Variants in FAM163B observed in about 807,000 individuals in gnomAD.
FAM163B encodes the protein family with sequence similarity 163 member B, also known as protein FAM163B.
A neutral mutation model predicts 7.6 loss-of-function variants in FAM163B; 4 were observed. That is an observed-to-expected ratio of 0.52 (90% CI 0.26 to 1.20). The LOEUF (loss-of-function observed/expected upper bound fraction) is 1.20. FAM163B is among the 50% of genes most tolerant of loss of function. FAM163B has a pLI of 0.14. For missense variants in FAM163B, 250 were observed against 243.0 expected, an observed-to-expected ratio of 1.03 and a Z score of -0.19; for synonymous variants, 120 against 111.6, an observed-to-expected ratio of 1.07 and a Z score of -0.47.
Position 133,579,038 on chromosome 9 carries a change from A to G in FAM163B, c.485T>C (p.Ile162Thr). 1 of 1,556,122 alleles carries G rather than the reference A, an allele frequency of 6.4e-7. No homozygotes were observed. The highest frequency in any genetic ancestry group is 8.7e-7 in the Non-Finnish European group (1 of 1,152,794). The change falls in exon 3 of 3, where the codon ATC becomes ACC. Residue 162 changes from isoleucine to threonine, a missense_variant. Physicochemically the swap from Ile to Thr is moderately conservative, Grantham distance 89. Transcript: ENST00000673969. ...GGGCCCAGGTCACACGTCGGTGCTG[A>G]TGCTGCGGCTCCTGGCGAAGGCCTC... ...MREAFARSRS[I>T]STDV
chr9:133,581,733 T>C (rs1268334431), intron 1 of FAM163B, among the ~76,000 whole-genome samples: 1 of 152,184 alleles, frequency 6.6e-6, no homozygotes, highest in Non-Finnish European at 1.5e-5. Context: ...TTGAACATGC[T>C]CCTTTATCAG....
chr9:133,582,416 G>A (rs1430849988), intron 1 of FAM163B, among the ~76,000 whole-genome samples: 2 of 152,132 alleles, frequency 1.3e-5, no homozygotes, highest in Non-Finnish European at 1.5e-5. Flanking sequence ...GAAATGACCC[G>A]CCCAGGCCCC....
In FAM163B at chr9:133,600,901, T is replaced by G. The variant is rs1831720752; in HGVS notation, c.-24+8176A>C. On this transcript the variant is annotated intron_variant, in intron 1 of 2. Transcript: ENST00000673969. The surrounding 1 kb of genome is among the most constrained non-coding windows in gnomAD (Gnocchi z 4.9). ...ATTCATCCAAGGCCATTAACTCAAC[T>G]CTCCCTTGGTAGGGGGTAGGGGGGG... Among the ~76,000 whole-genome samples the G allele has an allele frequency of 6.6e-6, 1 of 151,994 alleles. No homozygotes were observed. Among genetic ancestry groups the G allele is most frequent in the African/African-American group, 2.4e-5 (1 of 41,356 alleles).
chr9:133,585,872 G>T (rs1468133148), intron 1 of FAM163B: 1 of 152,356 alleles, frequency 6.6e-6, no homozygotes, highest in Middle Eastern at 3.4e-3. Context: ...TTGCCTCACG[G>T]TCAGACTCCT....
rs984921840 is a variant in FAM163B, at chr9:133,579,353, G to A, written c.170C>T (p.Pro57Leu). Residue 57 changes from proline (P) to leucine (L), a missense_variant, in exon 3 of 3, where the codon CCG becomes CTG. By Grantham distance (98) the Pro-to-Leu change is moderately conservative. Transcript: ENST00000673969. ...CACCAGGTTGCGGTTGGAGTGCAGCGGGGGCAGGTGCGAGTGAACGGCGAA... is the reference window on the plus strand; with the variant it reads ...CACCAGGTTGCGGTTGGAGTGCAGCAGGGGCAGGTGCGAGTGAACGGCGAA... Reference protein sequence around the residue: ...PDFAVHSHLPPLHSNRNLVLT... With the variant: ...PDFAVHSHLPLLHSNRNLVLT... The A allele has an allele frequency of 1.3e-4, 210 of 1,613,096 alleles. No homozygotes were observed. The highest frequency in any genetic ancestry group is 1.7e-4 in the Non-Finnish European group (196 of 1,179,794).
chr9:133,603,647 G>C (rs146630608), intron 1 of FAM163B, among the ~76,000 whole-genome samples: 1 of 152,128 alleles, frequency 6.6e-6, no homozygotes, highest in Non-Finnish European at 1.5e-5. Context: ...ATAGGAGCCC[G>C]CATGTCTGTG....
intron 1 of FAM163B, among the ~76,000 whole-genome samples, chr9:133,590,050 CCCTTCCCTTCCCTTCCCCTT>C (rs1564193333): frequency 0.049 from 2,467 of 50,388 alleles, 238 homozygotes; most frequent in Non-Finnish European, 0.072. Context: ...CCCTTCCCTT[CCCTTCCCTTCCCTTCCCCTT>C]CCCTTCCCCT....
At chr9:133,590,035 A>G in intron 1 of FAM163B, among the ~76,000 whole-genome samples, 1 of 125,704 alleles carries the variant, frequency 8.0e-6, no homozygotes, top group Admixed American at 8.0e-5. Flanking sequence ...TGCTGGACTT[A>G]AGTTCCCTTC....
chr9:133,600,086 T>C lies in FAM163B; in HGVS notation c.-24+8991A>G, dbSNP rs1001299240. On this transcript the variant is annotated intron_variant, in intron 1 of 2. Coordinates refer to ENST00000673969, the MANE Select transcript of FAM163B (RefSeq NM_001080515.3). The surrounding 1 kb of genome is among the most constrained non-coding windows in gnomAD (Gnocchi z 4.9). The stretch of plus-strand genomic sequence containing the variant: ...GTGTGTGCATGTGTGTGTGTCTGTG[T>C]GCATGTGTGCCTCTGAATGTGTGTG... 2.0e-5 allele frequency among the ~76,000 whole-genome samples: 3 copies of C among 151,162 alleles called. No homozygotes were observed. The highest frequency in any genetic ancestry group is 7.3e-5 in the African/African-American group (3 of 40,924).
intron 1 of FAM163B, among the ~76,000 whole-genome samples, chr9:133,582,230 G>A (rs763099661): frequency 3.3e-5 from 5 of 152,298 alleles, no homozygotes; most frequent in Admixed American, 6.5e-5. Flanking sequence ...TGCAGGCCCC[G>A]CGTGCCTACT....
Position 133,608,592 on chromosome 9 carries a change from A to G in FAM163B, c.-24+485T>C, listed in dbSNP as rs866102497. Among the ~76,000 whole-genome samples the G allele has an allele frequency of 2.0e-5, 3 of 152,314 alleles. No homozygotes were observed. In the South Asian group the frequency reaches 6.2e-4, roughly 32 times the overall value. ...AAGAGACCAAACCTCTCGGAGACTCAGTTTCTGCATCTGTGAAATGGGGCC... is the reference window on the plus strand; with the variant it reads ...AAGAGACCAAACCTCTCGGAGACTCGGTTTCTGCATCTGTGAAATGGGGCC... On this transcript the variant is annotated intron_variant, in intron 1 of 2. Coordinates refer to ENST00000673969, the MANE Select transcript of FAM163B (RefSeq NM_001080515.3).
At chr9:133,581,474 C>G (rs1168017842) in intron 1 of FAM163B, among the ~76,000 whole-genome samples, 1 of 152,090 alleles carries the variant, frequency 6.6e-6, no homozygotes, top group Non-Finnish European at 1.5e-5. Flanking sequence ...TCCAGTGCAG[C>G]ATCTGACGGA....
chr9:133,592,123 C>T (rs776450190), intron 1 of FAM163B, among the ~76,000 whole-genome samples: 1 of 152,164 alleles, frequency 6.6e-6, no homozygotes, highest in South Asian at 2.1e-4. Context: ...TCCAGCTCCA[C>T]GAGGGTGGGC....
Position 133,606,648 on chromosome 9 carries a change from A to G in FAM163B, c.-24+2429T>C, listed in dbSNP as rs1831793156. On this transcript the variant is annotated intron_variant, in intron 1 of 2. Coordinates refer to ENST00000673969, the MANE Select transcript of FAM163B (RefSeq NM_001080515.3). This position sits in a 1 kb window ranked among gnomAD's most constrained non-coding sequence, Gnocchi z 4.0. Reference sequence around the variant, plus strand: ...GGAAACCACTCTCTCTGCCACACAAATTGCCATTTTACCAACACACAGATC... The same window carrying G: ...GGAAACCACTCTCTCTGCCACACAAGTTGCCATTTTACCAACACACAGATC... 6.6e-6 allele frequency among the ~76,000 whole-genome samples: 1 copy of G among 152,208 alleles called. No individual in the cohort carries two copies. Among genetic ancestry groups the G allele is most frequent in the South Asian group, 2.1e-4 (1 of 4,830 alleles).
chr9:133,605,136 C>A (rs1410748886), intron 1 of FAM163B, among the ~76,000 whole-genome samples: 1 of 152,198 alleles, frequency 6.6e-6, no homozygotes, highest in Non-Finnish European at 1.5e-5. Context: ...GAGCACGGGT[C>A]GGGGCTGCGT....
At chr9:133,595,688 A>T (rs1480688843) in intron 1 of FAM163B, among the ~76,000 whole-genome samples, 1 of 152,076 alleles carries the variant, frequency 6.6e-6, no homozygotes. Flanking sequence ...CCCTTCCCAC[A>T]GTGGCTTCCC....
chr9:133,585,895 G>A (rs1375118238), intron 1 of FAM163B: 2 of 152,242 alleles, frequency 1.3e-5, no homozygotes, highest in African/African-American at 4.8e-5. Context: ...CCATGCCGGC[G>A]TCTCGTCGAG....
In FAM163B at chr9:133,600,259, C is replaced by CTGTGTG. The variant is rs3074996; in HGVS notation, c.-24+8812_-24+8817dup. Among the ~76,000 whole-genome samples the CTGTGTG allele has an allele frequency of 1.5e-4, 22 of 146,592 alleles. No individual in the cohort carries two copies. The highest frequency in any genetic ancestry group is 6.4e-4 in the East Asian group (3 of 4,718). On this transcript the variant is annotated intron_variant, in intron 1 of 2. Transcript: ENST00000673969. The surrounding 1 kb of genome is among the most constrained non-coding windows in gnomAD (Gnocchi z 4.9). The stretch of plus-strand genomic sequence containing the variant: ...CTGTGTGCATGTGTGTGAGTGTGGT[C>CTGTGTG]TGTGTGTGTGTGTGTGTGTGTGTGT...
chr9:133,589,624 G>GCA (rs1831505363), intron 1 of FAM163B, among the ~76,000 whole-genome samples: 1 of 22,768 alleles, frequency 4.4e-5, no homozygotes, highest in African/African-American at 1.2e-4. Context: ...GGGCGACACA[G>GCA]CGCGCACACA....
Sources: allele counts gnomAD v4.1 joint callset (sites outside exome capture counted in the v4.1 genomes callset), GRCh38; gene constraint gnomAD v4.1.1; non-coding constraint Gnocchi (gnomAD v3.1); transcripts MANE v1.5; gene names NCBI Gene and HGNC (gene_info 2026-07-23, HGNC 2026-07-21).